The following CALCA variants were observed in gnomAD, a reference collection of about 807,000 sequenced individuals.
CALCA encodes the protein calcitonin.
A neutral mutation model predicts 6.9 loss-of-function variants in CALCA; 4 were observed. That is an observed-to-expected ratio of 0.58 (90% CI 0.29 to 1.33). The LOEUF (loss-of-function observed/expected upper bound fraction) is 1.33, where lower values mean the gene tolerates loss of function less well. Among genes scored for constraint, CALCA ranks in the 40% most tolerant of loss-of-function variants. The pLI is 0.09. For synonymous variants in CALCA, 78 were observed against 70.0 expected (o/e 1.11, Z -0.57); for missense variants, 174 against 178.3 (o/e 0.98, Z 0.14).
At chr11:14,968,020 TA>T, downstream of CALCA, 1 of 802,000 alleles carries the variant, frequency 1.2e-6, no homozygotes, top group Non-Finnish European at 2.0e-6. Flanking sequence ...ACAAGGCCAT[TA>T]GGGAAAATGC....
At position 14,968,882 on chromosome 11, in the gene CALCA, C is replaced by T. The variant is rs782200615; in HGVS notation, c.343G>A (p.Ala115Thr). The stretch of plus-strand genomic sequence containing the variant: ...GACATATCCCTTTTCTTTCCAGGTG[C>T]TCCAACCCCAATTGCAGTTTGGGGG... Reference protein sequence around the residue: ...TFPQTAIGVGAPGKKRDMSSD... With the variant: ...TFPQTAIGVGTPGKKRDMSSD... Residue 115 changes from alanine to threonine, a missense_variant, in exon 4 of 4, where the codon GCA (alanine) becomes ACA (threonine). Coordinates refer to ENST00000331587, the MANE Select transcript of CALCA (RefSeq NM_001741.3). 1.2e-6 allele frequency: 2 copies of T among 1,614,174 alleles called. No homozygotes were observed. Among genetic ancestry groups the T allele is most frequent in the South Asian group, 2.2e-5 (2 of 91,086 alleles).
intron 1 of CALCA, among the ~76,000 whole-genome samples, chr11:14,972,039 C>T (rs1414091827): frequency 6.6e-6 from 1 of 152,174 alleles, no homozygotes; most frequent in Non-Finnish European, 1.5e-5. Flanking sequence ...CTGGAGTCCG[C>T]AGCCGAGCAG....
chr11:14,967,653 C>T (rs782658780), downstream of CALCA: 6 of 1,612,906 alleles, frequency 3.7e-6, no homozygotes, highest in Non-Finnish European at 5.1e-6. Flanking sequence ...TCTTCCCATC[C>T]CATCATACAA....
intron 2 of CALCA, among the ~76,000 whole-genome samples, chr11:14,970,477 A>G (rs1849575285): frequency 6.6e-6 from 1 of 152,252 alleles, no homozygotes; most frequent in African/African-American, 2.4e-5. Context: ...TTAGTGGCAA[A>G]CTATTTAACA....
chr11:14,969,068 T>C, intron 3 of CALCA, 71 bp from the exon 4 acceptor site: 1 of 1,455,260 alleles, frequency 6.9e-7, no homozygotes, highest in Admixed American at 1.7e-5. Context: ...ACTTAGAAGG[T>C]TAGACCAGGC....
At chr11:14,971,227 A>C in intron 1 of CALCA, 26 bp from the exon 2 acceptor site, 1 of 1,537,582 alleles carries the variant, frequency 6.5e-7, no homozygotes, top group Non-Finnish European at 9.0e-7. Flanking sequence ...GAGATAAACC[A>C]CCTGCGCCAG....
chr11:14,968,328 G>C, downstream of CALCA: 1 of 515,790 alleles, frequency 1.9e-6, no homozygotes, highest in African/African-American at 2.0e-5. Context: ...AGTCCTAGAG[G>C]TGCTTACCTG....
chr11:14,967,618 C>A, downstream of CALCA: 7 of 1,598,782 alleles, frequency 4.4e-6, no homozygotes, highest in Non-Finnish European at 6.0e-6. Flanking sequence ...AGTGGTTTTA[C>A]ACCCCTGTAA....
downstream of CALCA, among the ~76,000 whole-genome samples, chr11:14,967,423 A>G (rs2133578468): frequency 6.6e-6 from 1 of 152,336 alleles, no homozygotes; most frequent in East Asian, 1.9e-4. Flanking sequence ...ATAAATGTCA[A>G]ACAGCAGTGT....
At chr11:14,968,022 G>A (rs369398735), downstream of CALCA, 1 of 794,612 alleles carries the variant, frequency 1.3e-6, no homozygotes. Flanking sequence ...AAGGCCATTA[G>A]GGAAAATGCC....
At chr11:14,967,718 G>T, downstream of CALCA, 5 of 1,614,110 alleles carry the variant, frequency 3.1e-6, no homozygotes, top group Non-Finnish European at 4.2e-6. Context: ...TCCCTGCGGC[G>T]CCTGCCAAAG....
downstream of CALCA, chr11:14,968,456 AAGCCTGGGACATAGATCAG>A: frequency 8.2e-7 from 1 of 1,217,712 alleles, no homozygotes. Flanking sequence ...AGACACTATG[AAGCCTGGGACATAGATCAG>A]AGCAATGACC....
At position 14,968,844 on chromosome 11, in the gene CALCA, C is replaced by G. The variant is rs781786950; in HGVS notation, c.381G>C (p.Glu127Asp). Residue 127 changes from glutamate (E) to aspartate (D), a missense_variant, in exon 4 of 4, where the codon GAG (glutamate) becomes GAC (aspartate). Coordinates refer to ENST00000331587, the MANE Select transcript of CALCA (RefSeq NM_001741.3). ...GKKRDMSSDL[E>D]RDHRPHVSMP... ...TGCTAACATGAGGGCGATGGTCTCT[C>G]TCCAAGTCGCTGGACATATCCCTTT... 1.9e-6 allele frequency: 3 copies of G among 1,614,028 alleles called. No homozygotes were observed. Among genetic ancestry groups the G allele is most frequent in the Admixed American group, 1.7e-5 (1 of 59,996 alleles).
In CALCA at chr11:14,971,104, T is replaced by C; in HGVS notation, c.86+3A>G. The C allele has an allele frequency of 6.2e-7, 1 of 1,612,532 alleles. No individual in the cohort carries two copies. The highest frequency in any genetic ancestry group is 8.5e-7 in the Non-Finnish European group (1 of 1,178,568). ...GTGTGGTTCTGGCTTCAGGCTGTCTTACCTGAATGGTGCTGCATGGAGGCT... is the reference window on the plus strand; with the variant it reads ...GTGTGGTTCTGGCTTCAGGCTGTCTCACCTGAATGGTGCTGCATGGAGGCT... On this transcript the variant is annotated splice_donor_region_variant and intron_variant, in intron 2 of 3. Transcript: ENST00000331587.
intron 1 of CALCA, among the ~76,000 whole-genome samples, chr11:14,972,004 C>T (rs1017605410): frequency 6.6e-6 from 1 of 152,210 alleles, no homozygotes; most frequent in Non-Finnish European, 1.5e-5. Context: ...TGGCCTAAGC[C>T]TGTGTGCAGT....
At position 14,971,187 on chromosome 11, in the gene CALCA, GC is replaced by G. The variant is rs1849595663; in HGVS notation, c.5del (p.Gly2AlafsTer60). The G allele has an allele frequency of 6.2e-7, 1 of 1,613,604 alleles. No individual in the cohort carries two copies. The highest frequency in any genetic ancestry group is 1.3e-5 in the African/African-American group (1 of 74,906). M[G>X]FQKFSPFLAL... ...CCAGGAAGGGGGAGAACTTTTGGAAGCCCATGACACCTCTCTGCAAGGGAAG... is the reference window on the plus strand; with the variant it reads ...CCAGGAAGGGGGAGAACTTTTGGAAGCCATGACACCTCTCTGCAAGGGAAG... On this transcript the variant is annotated frameshift_variant, in exon 2 of 4. Transcript: ENST00000331587. LOFTEE classifies it high-confidence loss of function.
rs2644688 is a variant in CALCA, at chr11:14,968,767, A to T, written c.*32T>A. 1 of 1,613,874 alleles carries T rather than the reference A, an allele frequency of 6.2e-7. No homozygotes were observed. Among genetic ancestry groups the T allele is most frequent in the African/African-American group, 1.3e-5 (1 of 74,926 alleles). ...ATGCATCAAGTTATAGGAAGGATGC[A>T]AGAAGGGAAATTAGGAAGGAAAGGG... On this transcript the variant is annotated 3_prime_UTR_variant, in exon 4 of 4. Coordinates refer to ENST00000331587, the MANE Select transcript of CALCA (RefSeq NM_001741.3).
downstream of CALCA, chr11:14,967,946 G>A (rs1429828488): frequency 3.1e-5 from 45 of 1,439,038 alleles, no homozygotes; most frequent in East Asian, 3.0e-4. Context: ...TAAAGTTGCT[G>A]TGCTGAAAGG....
rs1555025876 is a variant in CALCA, at chr11:14,968,956, G to A, written c.269C>T (p.Thr90Ile). 2.5e-6 allele frequency: 4 copies of A among 1,613,968 alleles called. No homozygotes were observed. Among genetic ancestry groups the A allele is most frequent in the Non-Finnish European group, 2.5e-6 (3 of 1,180,030 alleles). Reference sequence around the variant, plus strand: ...CTGCGTGTATGTGCCCAGCATGCAAGTACTCAGATTACCGCACCGCTTAGA... The same window carrying A: ...CTGCGTGTATGTGCCCAGCATGCAAATACTCAGATTACCGCACCGCTTAGA... ...PRSKRCGNLS[T>I]CMLGTYTQDF... Residue 90 changes from threonine to isoleucine, a missense_variant, in exon 4 of 4, where the codon ACT becomes ATT. Coordinates refer to ENST00000331587, the MANE Select transcript of CALCA (RefSeq NM_001741.3).
Sources: gnomAD v4.1 joint callset for allele counts (sites outside exome capture counted in the v4.1 genomes callset) on GRCh38, gnomAD v4.1.1 for gene constraint, MANE v1.5 for transcripts, NCBI Gene and HGNC (gene_info 2026-07-23, HGNC 2026-07-21) for gene names.